The following USP3 variants were observed in gnomAD, a reference collection of about 807,000 sequenced individuals.
The protein encoded by USP3 is ubiquitin carboxyl-terminal hydrolase 3.
In USP3, 20 loss-of-function variants were observed where a neutral mutation model predicts 72.3. The ratio of observed to expected loss-of-function variants is 0.28; its 90% CI spans 0.19 to 0.40. The LOEUF is 0.40. USP3 is among the 10% of genes least tolerant of loss of function. USP3 has a pLI of 1.00. For missense variants in USP3, 479 were observed against 633.9 expected (o/e 0.76, Z 2.62); for synonymous variants, 222 against 225.3 (o/e 0.99, Z 0.13).
In USP3 at chr15:63,582,869, AGCAGTCTAGTATTTATGT is replaced by A. The variant is rs201226405; in HGVS notation, c.1097-5432_1097-5415del. ...GCCTGGCAGGTAGAAGGAACAAGAG[AGCAGTCTAGTATTTATGT>A]GCATTTCACATAAATGCAGATGAGT... On this transcript the variant is annotated intron_variant, in intron 11 of 14. Transcript: ENST00000380324. Among the ~76,000 whole-genome samples the A allele has an allele frequency of 1.7e-3, 255 of 152,302 alleles. 2 individuals carry two copies. The East Asian group carries it at 0.022, about 13-fold the overall frequency.
chr15:63,535,536 A>G (rs936888834), intron 2 of USP3, among the ~76,000 whole-genome samples: 8 of 152,240 alleles, frequency 5.3e-5, no homozygotes, highest in African/African-American at 1.9e-4. Flanking sequence ...GATAAAGCCT[A>G]ATTTTGAATC....
chr15:63,566,751 G>T (rs915353968), intron 8 of USP3, among the ~76,000 whole-genome samples: 3 of 152,120 alleles, frequency 2.0e-5, no homozygotes, highest in Non-Finnish European at 4.4e-5. Flanking sequence ...TATTGTATTT[G>T]TGTGTTTGTA....
In USP3 at chr15:63,541,475, T is replaced by G. The variant is rs73443008; in HGVS notation, c.284+4319T>G. Among the ~76,000 whole-genome samples, 296 of 152,276 alleles carry G rather than the reference T, an allele frequency of 1.9e-3. 1 individual carries two copies. The highest frequency in any genetic ancestry group is 6.8e-3 in the African/African-American group (284 of 41,582). ...AGACAACAGGGAGAGTTTTGTTTAT[T>G]TAAAAACAATATTTTGAAGTTTAAG... On this transcript the variant is annotated intron_variant, in intron 3 of 14. Coordinates refer to ENST00000380324, the MANE Select transcript of USP3 (RefSeq NM_006537.4).
At chr15:63,506,783 A>T (rs368551676) in intron 1 of USP3, among the ~76,000 whole-genome samples, 2 of 152,250 alleles carry the variant, frequency 1.3e-5, no homozygotes, top group African/African-American at 4.8e-5. Context: ...ATCTTGCAAC[A>T]AAGTGTGTCT....
intron 1 of USP3, among the ~76,000 whole-genome samples, chr15:63,532,185 C>T (rs7403729): frequency 0.99 from 151,371 of 152,346 alleles, 75,210 homozygotes; most frequent in Middle Eastern, 1. Context: ...AAACTAGGCT[C>T]AGATTTCCTA....
chr15:63,518,851 C>T (rs370540247), intron 1 of USP3, among the ~76,000 whole-genome samples: 2 of 152,016 alleles, frequency 1.3e-5, no homozygotes, highest in African/African-American at 4.8e-5. Context: ...CTGCAAGCTC[C>T]GCCTCCCAGG....
intron 1 of USP3, among the ~76,000 whole-genome samples, chr15:63,523,305 G>A (rs74024870): frequency 0.016 from 2,366 of 152,242 alleles, 66 homozygotes; most frequent in African/African-American, 0.054. Context: ...TGAGGTAGAA[G>A]GTGGGATTTG....
intron 9 of USP3, among the ~76,000 whole-genome samples, chr15:63,571,400 G>C (rs1177567275): frequency 6.6e-6 from 1 of 152,150 alleles, no homozygotes; most frequent in Admixed American, 6.5e-5. Context: ...CAGGCTTATA[G>C]CTAACCAAGC....
intron 11 of USP3, among the ~76,000 whole-genome samples, chr15:63,584,737 C>A (rs1452765678): frequency 6.6e-6 from 1 of 152,040 alleles, no homozygotes; most frequent in African/African-American, 2.4e-5. Context: ...TTTATAGTAT[C>A]CCTCAATACA....
chr15:63,521,227 C>T (rs2065916977), intron 1 of USP3, among the ~76,000 whole-genome samples: 1 of 150,846 alleles, frequency 6.6e-6, no homozygotes, highest in African/African-American at 2.4e-5. Context: ...TTTAAAACAG[C>T]TTCTAGTACT....
intron 1 of USP3, among the ~76,000 whole-genome samples, chr15:63,511,266 T>TTTAAAAAAAAAAAAAA (rs549048698): frequency 2.3e-5 from 1 of 42,846 alleles, no homozygotes; most frequent in Admixed American, 4.3e-4. Context: ...TGCTTTTTCT[T>TTTAAAAAAAAAAAAAA]AAAAAAAAAA....
rs2066033878 is a variant in USP3, at chr15:63,529,345, A to G, written c.92-3302A>G. On this transcript the variant is annotated intron_variant, in intron 1 of 14. Transcript: ENST00000380324. This position sits in a 1 kb window ranked among gnomAD's most constrained non-coding sequence, Gnocchi z 4.2. ...CAATTCACATAACATAAAGTTAACC[A>G]TCTTAAAGTGAACAATTCAGTGGCG... Among the ~76,000 whole-genome samples, 1 of 152,122 alleles carries G rather than the reference A, an allele frequency of 6.6e-6. No individual in the cohort carries two copies. The highest frequency in any genetic ancestry group is 1.5e-5 in the Non-Finnish European group (1 of 68,010).
chr15:63,532,127 T>G (rs2066085337), intron 1 of USP3, among the ~76,000 whole-genome samples: 2 of 152,196 alleles, frequency 1.3e-5, no homozygotes, highest in South Asian at 4.1e-4. Context: ...TCAGCAAGAA[T>G]TATGTGCAGT....
chr15:63,558,681 C>T (rs1212344820), intron 6 of USP3, among the ~76,000 whole-genome samples: 1 of 151,992 alleles, frequency 6.6e-6, no homozygotes, highest in Non-Finnish European at 1.5e-5. Flanking sequence ...TTGAGACCAG[C>T]CTGGCCAACA....
At chr15:63,538,395 G>A (rs192489633) in intron 3 of USP3, among the ~76,000 whole-genome samples, 3 of 152,234 alleles carry the variant, frequency 2.0e-5, no homozygotes, top group African/African-American at 7.2e-5. Flanking sequence ...GGGTAGAGAT[G>A]GGGATTTAGA....
At chr15:63,579,176 T>G (rs2066913392) in intron 11 of USP3, among the ~76,000 whole-genome samples, 2 of 152,142 alleles carry the variant, frequency 1.3e-5, no homozygotes, top group South Asian at 4.1e-4. Context: ...AAAGGACAGA[T>G]AAAGCCTGAA....
At position 63,574,405 on chromosome 15, in the gene USP3, TAA is replaced by T. The variant is rs749645463; in HGVS notation, c.1096+4_1096+5del. The T allele has an allele frequency of 6.4e-5, 102 of 1,598,356 alleles. 2 individuals carry two copies. In the South Asian group the frequency reaches 1.1e-3, roughly 18 times the overall value. ...ATGGACCAGTTTGTTCGTTACGAGGTAAAGATACTTGAATGTTCTAAAAATTT... is the reference window on the plus strand; with the variant it reads ...ATGGACCAGTTTGTTCGTTACGAGGTAGATACTTGAATGTTCTAAAAATTT... On this transcript the variant is annotated splice_donor_region_variant and intron_variant, in intron 11 of 14. Transcript: ENST00000380324. The surrounding 1 kb of genome is among the most constrained non-coding windows in gnomAD (Gnocchi z 4.6).
chr15:63,589,583 T>C (rs1170767902), intron 14 of USP3, among the ~76,000 whole-genome samples: 1 of 152,212 alleles, frequency 6.6e-6, no homozygotes, highest in African/African-American at 2.4e-5. Flanking sequence ...CAAGTCTGAT[T>C]CTCACTACTT....
At chr15:63,556,590 C>T (rs924563310) in intron 4 of USP3, 77 bp from the exon 5 acceptor site, 24 of 1,190,376 alleles carry the variant, frequency 2.0e-5, no homozygotes, top group Non-Finnish European at 2.8e-5. Flanking sequence ...TTGAGGGCAG[C>T]TGGAGTTTAT....
Sources: allele counts gnomAD v4.1 joint callset (sites outside exome capture counted in the v4.1 genomes callset), GRCh38; gene constraint gnomAD v4.1.1; non-coding constraint Gnocchi (gnomAD v3.1); transcripts MANE v1.5; gene names NCBI Gene and HGNC (gene_info 2026-07-23, HGNC 2026-07-21).